MYO5B: variants seen among roughly 807,000 people sequenced by gnomAD.
The protein encoded by MYO5B is unconventional myosin-Vb.
Under a neutral mutation model 229.3 loss-of-function variants are expected in MYO5B, and 143 were observed. That is an observed-to-expected ratio of 0.62 (90% CI 0.54 to 0.72). The LOEUF (loss-of-function observed/expected upper bound fraction) is 0.72. MYO5B is among the 30% of genes least tolerant of loss of function. MYO5B has a pLI of 0.00. For missense variants in MYO5B, 2,321 were observed against 2,331.0 expected (o/e 1.00, Z 0.09); for synonymous variants, 918 against 885.2 (o/e 1.04, Z -0.66).
chr18:49,958,374 C>A (rs1415825203), intron 12 of MYO5B, among the ~76,000 whole-genome samples: 2 of 152,214 alleles, frequency 1.3e-5, no homozygotes, highest in Non-Finnish European at 2.9e-5. Context: ...ACTGGGCAGC[C>A]ATTCCCACCT....
At chr18:50,041,831 C>CAAATGGG (rs2030024464) in intron 2 of MYO5B, among the ~76,000 whole-genome samples, 1 of 152,004 alleles carries the variant, frequency 6.6e-6, no homozygotes, top group Non-Finnish European at 1.5e-5. Flanking sequence ...TTTGCAAAGT[C>CAAATGGG]AAATGGGAAA....
At chr18:50,159,164 G>A (rs1599066214) in intron 1 of MYO5B, among the ~76,000 whole-genome samples, 1 of 152,102 alleles carries the variant, frequency 6.6e-6, no homozygotes, top group African/African-American at 2.4e-5. Context: ...AAGGTGCACA[G>A]CCAGCCTCAA....
At chr18:49,931,879 C>T (rs913675387) in intron 16 of MYO5B, among the ~76,000 whole-genome samples, 3 of 152,206 alleles carry the variant, frequency 2.0e-5, no homozygotes, top group Non-Finnish European at 4.4e-5. Flanking sequence ...CCTCCCCAGG[C>T]ACTCTGCCCC....
chr18:50,131,032 A>G (rs984420487), intron 1 of MYO5B, among the ~76,000 whole-genome samples: 2 of 152,180 alleles, frequency 1.3e-5, no homozygotes, highest in Non-Finnish European at 2.9e-5. Context: ...CTCTTCCTCC[A>G]ATCTTCAATT....
intron 2 of MYO5B, among the ~76,000 whole-genome samples, chr18:50,042,278 C>A (rs536221724): frequency 1.3e-4 from 20 of 152,164 alleles, no homozygotes; most frequent in Non-Finnish European, 2.6e-4. Flanking sequence ...AGTCAGGCAG[C>A]TACCTACAGC....
At chr18:50,181,417 T>C (rs955273851) in intron 1 of MYO5B, among the ~76,000 whole-genome samples, 1 of 152,224 alleles carries the variant, frequency 6.6e-6, no homozygotes, top group Admixed American at 6.5e-5. Flanking sequence ...AAAATTGGCA[T>C]CCATACCTGG....
intron 22 of MYO5B, among the ~76,000 whole-genome samples, chr18:49,884,511 A>T (rs1367932871): frequency 6.6e-6 from 1 of 151,882 alleles, no homozygotes; most frequent in Non-Finnish European, 1.5e-5. Context: ...CAGGCATTAG[A>T]GTCTTATAAG....
intron 17 of MYO5B, among the ~76,000 whole-genome samples, chr18:49,928,936 G>C (rs1019292549): frequency 3.9e-5 from 6 of 152,154 alleles, no homozygotes; most frequent in Non-Finnish European, 8.8e-5. Context: ...AAAGGCATAA[G>C]AACGATACAA....
intron 1 of MYO5B, among the ~76,000 whole-genome samples, chr18:50,169,774 TC>T (rs2032900889): frequency 7.8e-6 from 1 of 127,450 alleles, no homozygotes; most frequent in Non-Finnish European, 1.7e-5. Flanking sequence ...TTTCCTGAAG[TC>T]TGAAAAGATT....
chr18:49,836,878 T>C lies in MYO5B; in HGVS notation c.5146A>G (p.Ile1716Val), dbSNP rs748776509. Residue 1716 changes from isoleucine (I) to valine (V), a missense_variant, in exon 38 of 40, where the codon ATA (isoleucine) becomes GTA (valine). By Grantham distance (29) the Ile-to-Val change is conservative. Coordinates refer to ENST00000285039, the MANE Select transcript of MYO5B (RefSeq NM_001080467.3). The part of the protein sequence containing the change: ...WSTGMQLRYN[I>V]SQLEEWLRGR... ...CGAAGCCACTCCTCAAGCTGACTTA[T>C]ATTGTACCTTAGCCATAGGTAGAAA... is the stretch of plus-strand genomic sequence containing the variant. 5.0e-6 allele frequency: 8 copies of C among 1,613,892 alleles called. No homozygotes were observed. Among genetic ancestry groups the C allele is most frequent in the Non-Finnish European group, 6.8e-6 (8 of 1,179,882 alleles).
At chr18:50,056,263 T>C (rs1422786862) in intron 1 of MYO5B, among the ~76,000 whole-genome samples, 1 of 152,006 alleles carries the variant, frequency 6.6e-6, no homozygotes, top group Non-Finnish European at 1.5e-5. Context: ...AACTAGGAGG[T>C]TCCCAGCCCT....
intron 2 of MYO5B, 48 bp from the exon 3 acceptor site, chr18:50,040,362 A>C: frequency 6.5e-7 from 1 of 1,539,262 alleles, no homozygotes; most frequent in Non-Finnish European, 9.0e-7. Context: ...ATGAAGCGTT[A>C]AGTCTGTATT....
intron 25 of MYO5B, chr18:49,876,097 T>A: frequency 2.1e-6 from 1 of 470,660 alleles, no homozygotes; most frequent in Non-Finnish European, 3.9e-6. Flanking sequence ...ACCAACCATA[T>A]ATTCCAAGAA....
rs748097712 is a variant in MYO5B at position 50,036,990 on chromosome 18, G to A, written c.315C>T (p.Ile105=). The change falls in exon 4 of 40, where the codon ATC becomes ATT. Residue 105 remains isoleucine (I), a synonymous_variant. Transcript: ENST00000285039. ...ESNHIYTYCG[I]VLVAINPYEQ... ...CATAAGGATTAATGGCAACAAGTAC[G>A]ATACCTGCAAACAGACAAGGTGGTC... 56 of 1,613,962 alleles carry A rather than the reference G, an allele frequency of 3.5e-5. No homozygotes were observed. In the Middle Eastern group the frequency reaches 1.2e-3, roughly 33 times the overall value.
intron 1 of MYO5B, among the ~76,000 whole-genome samples, chr18:50,133,165 A>G (rs2032280487): frequency 6.6e-6 from 1 of 152,200 alleles, no homozygotes; most frequent in Non-Finnish European, 1.5e-5. Context: ...TTCCTTATCC[A>G]TGGCCCCCTT....
chr18:50,192,063 A>T (rs1451009720), intron 1 of MYO5B, among the ~76,000 whole-genome samples: 3 of 95,084 alleles, frequency 3.2e-5, no homozygotes, highest in African/African-American at 1.3e-4. Context: ...GACCATCCAC[A>T]CCCATTTGAG....
At chr18:49,859,969 T>C (rs1031030715) in intron 29 of MYO5B, among the ~76,000 whole-genome samples, 1 of 152,126 alleles carries the variant, frequency 6.6e-6, no homozygotes, top group Non-Finnish European at 1.5e-5. Flanking sequence ...GACAGGCCCC[T>C]GGTGTGTGTA....
intron 18 of MYO5B, among the ~76,000 whole-genome samples, chr18:49,909,504 C>T (rs373880899): frequency 6.6e-6 from 1 of 152,222 alleles, no homozygotes; most frequent in African/African-American, 2.4e-5. Flanking sequence ...CCATTACTGG[C>T]AGGTTTCTAG....
intron 4 of MYO5B, among the ~76,000 whole-genome samples, chr18:50,023,780 A>C (rs1331008363): frequency 6.6e-6 from 1 of 152,040 alleles, no homozygotes; most frequent in Non-Finnish European, 1.5e-5. Flanking sequence ...GTATCTCTTC[A>C]CCTCTAAGAG....
Sources: gnomAD v4.1 joint callset for allele counts (sites outside exome capture counted in the v4.1 genomes callset) on GRCh38, gnomAD v4.1.1 for gene constraint, MANE v1.5 for transcripts, NCBI Gene and HGNC (gene_info 2026-07-23, HGNC 2026-07-21) for gene names.